PRRX2: variants seen among roughly 807,000 people sequenced by gnomAD.
The protein encoded by PRRX2 is paired related homeobox 2.
In PRRX2, 11 loss-of-function variants were observed where a neutral mutation model predicts 18.0. That is an observed-to-expected ratio of 0.61 (90% CI 0.39 to 1.01). The LOEUF is 1.01. PRRX2 is among the 50% of genes least tolerant of loss of function. The pLI is 0.01. For synonymous variants in PRRX2, 177 were observed against 154.8 expected, an observed-to-expected ratio of 1.14 and a Z score of -1.06; for missense variants, 387 against 351.0, an observed-to-expected ratio of 1.10 and a Z score of -0.82.
chr9:129,673,652 C>CCACACACACACACACACACACAGG (rs1832126578), intron 1 of PRRX2, among the ~76,000 whole-genome samples: 3 of 149,222 alleles, frequency 2.0e-5, no homozygotes, highest in Admixed American at 1.3e-4. Flanking sequence ...ACCCCCCATG[C>CCACACACACACACACACACACAGG]CACACACACA....
chr9:129,679,901 G>C (rs1315263370), intron 1 of PRRX2, among the ~76,000 whole-genome samples: 1 of 152,138 alleles, frequency 6.6e-6, no homozygotes, highest in African/African-American at 2.4e-5. Context: ...GGAGTGGCCC[G>C]GCTCTGCTGT....
At chr9:129,711,743 G>T (rs1321781945) in intron 1 of PRRX2, among the ~76,000 whole-genome samples, 1 of 152,062 alleles carries the variant, frequency 6.6e-6, no homozygotes, top group Non-Finnish European at 1.5e-5. Context: ...AGCGGTTAAA[G>T]GTTCACCCAC....
rs566506094 is a variant in PRRX2, at chr9:129,672,392, T to C, written c.259+6266T>C. ...TGCCAGCCGTGTGAAGCCCATTTTA[T>C]GAAGAGGGAAACTGAGGTGTGAGGT... On this transcript the variant is annotated intron_variant, in intron 1 of 3. Coordinates refer to ENST00000372469, the MANE Select transcript of PRRX2 (RefSeq NM_016307.4). Among the ~76,000 whole-genome samples, 49 of 152,300 alleles carry C rather than the reference T, an allele frequency of 3.2e-4. 1 individual carries two copies. The highest frequency in any genetic ancestry group is 3.2e-3 in the Admixed American group (49 of 15,306).
chr9:129,684,446 ACACACACACACACC>A (rs1462880233), intron 1 of PRRX2, among the ~76,000 whole-genome samples: 1 of 148,120 alleles, frequency 6.8e-6, no homozygotes, highest in African/African-American at 2.5e-5. Flanking sequence ...ACACACACAC[ACACACACACACACC>A]CAACAGAAAA....
rs1241999030 is a variant in PRRX2, at chr9:129,715,569, C to T, written c.260-3662C>T. On this transcript the variant is annotated intron_variant, in intron 1 of 3. Transcript: ENST00000372469. This position sits in a 1 kb window ranked among gnomAD's most constrained non-coding sequence, Gnocchi z 4.0. ...TTGCGCCACTGCACTCCAGCTTGGG[C>T]AACAGAGTGAGACCCTGTCTCAAAA... Among the ~76,000 whole-genome samples the T allele has an allele frequency of 6.6e-6, 1 of 152,060 alleles. No individual in the cohort carries two copies. The highest frequency in any genetic ancestry group is 2.4e-5 in the African/African-American group (1 of 41,380).
chr9:129,697,256 G>A (rs1056367544), intron 1 of PRRX2, among the ~76,000 whole-genome samples: 1 of 152,154 alleles, frequency 6.6e-6, no homozygotes, highest in Admixed American at 6.5e-5. Context: ...TGGAGAGGGA[G>A]GTGTCTGAGC....
At chr9:129,710,908 T>C (rs796883678) in intron 1 of PRRX2, among the ~76,000 whole-genome samples, 34 of 152,206 alleles carry the variant, frequency 2.2e-4, no homozygotes, top group African/African-American at 7.9e-4. Context: ...TTCTTTTCTG[T>C]CTTCACATGT....
At position 129,697,105 on chromosome 9, in the gene PRRX2, A is replaced by G. The variant is rs1282841572; in HGVS notation, c.260-22126A>G. 2.0e-5 allele frequency among the ~76,000 whole-genome samples: 3 copies of G among 152,086 alleles called. No homozygotes were observed. The East Asian group carries it at 5.8e-4, about 29-fold the overall frequency. Reference sequence around the variant, plus strand: ...AGGCGCCCGGCCCGGCCTGGCCCTTAGCCTTGGCCTTGGCCGGAGCTGGAC... The same window carrying G: ...AGGCGCCCGGCCCGGCCTGGCCCTTGGCCTTGGCCTTGGCCGGAGCTGGAC... On this transcript the variant is annotated intron_variant, in intron 1 of 3. Transcript: ENST00000372469.
chr9:129,684,573 G>T (rs1322718550), intron 1 of PRRX2, among the ~76,000 whole-genome samples: 2 of 149,702 alleles, frequency 1.3e-5, no homozygotes, highest in East Asian at 2.0e-4. Context: ...AAAAAGTCTC[G>T]CTGTGCCATG....
chr9:129,694,163 C>G (rs1375176653), intron 1 of PRRX2, among the ~76,000 whole-genome samples: 1 of 152,116 alleles, frequency 6.6e-6, no homozygotes, highest in East Asian at 1.9e-4. Context: ...AAACACCCCA[C>G]GTCTCCCCTT....
intron 1 of PRRX2, among the ~76,000 whole-genome samples, chr9:129,678,807 T>G (rs1212332661): frequency 1.3e-5 from 2 of 152,104 alleles, no homozygotes; most frequent in Admixed American, 1.3e-4. Context: ...GCGCTCTCAG[T>G]GAGCATCTCT....
At chr9:129,710,606 A>G (rs1308890921) in intron 1 of PRRX2, among the ~76,000 whole-genome samples, 1 of 152,162 alleles carries the variant, frequency 6.6e-6, no homozygotes, top group Non-Finnish European at 1.5e-5. Context: ...GGTGGCAGGC[A>G]CTTGTAGTCC....
At chr9:129,701,767 T>G (rs764157790) in intron 1 of PRRX2, among the ~76,000 whole-genome samples, 4 of 152,220 alleles carry the variant, frequency 2.6e-5, no homozygotes, top group African/African-American at 4.8e-5. Flanking sequence ...TAAACAGATA[T>G]GCTGTTGTCG....
At position 129,665,918 on chromosome 9, in the gene PRRX2, G is replaced by T; in HGVS notation, c.51G>T (p.Pro17=). The T allele has an allele frequency of 9.0e-7, 1 of 1,114,390 alleles. No individual in the cohort carries two copies. The highest frequency in any genetic ancestry group is 1.1e-6 in the Non-Finnish European group (1 of 914,010). 69.0% of individuals were successfully genotyped at this position (1,114,390 alleles called of 1,614,324 possible). The stretch of plus-strand genomic sequence containing the variant: ...CCCTGGACAAGCCGGCGCTGGGCCC[G>T]GGGCCGCCGCCGCCTCCACCCGCGC... ...AFALDKPALG[P]GPPPPPPALG... is the part of the protein sequence containing the mutation. The change falls in exon 1 of 4, where the codon CCG becomes CCT. Residue 17 remains proline, a synonymous_variant. Transcript: ENST00000372469. The surrounding 1 kb of genome is among the most constrained non-coding windows in gnomAD (Gnocchi z 5.3).
At chr9:129,679,496 T>A (rs1171970447) in intron 1 of PRRX2, among the ~76,000 whole-genome samples, 1 of 152,172 alleles carries the variant, frequency 6.6e-6, no homozygotes, top group Non-Finnish European at 1.5e-5. Flanking sequence ...GGCGGTTTTA[T>A]GACCCCATTT....
chr9:129,679,129 G>A (rs973296854), intron 1 of PRRX2, among the ~76,000 whole-genome samples: 5 of 152,216 alleles, frequency 3.3e-5, no homozygotes, highest in Non-Finnish European at 5.9e-5. Context: ...CAGGCACTGG[G>A]GAGCCATGGC....
At chr9:129,673,911 C>A (rs1408501250) in intron 1 of PRRX2, among the ~76,000 whole-genome samples, 1 of 152,130 alleles carries the variant, frequency 6.6e-6, no homozygotes, top group African/African-American at 2.4e-5. Context: ...CCACACTGAG[C>A]AGACGAAGAG....
intron 1 of PRRX2, among the ~76,000 whole-genome samples, chr9:129,716,450 CTTTCT>C (rs993903163): frequency 1.4e-5 from 2 of 144,342 alleles, no homozygotes; most frequent in African/African-American, 2.6e-5. Flanking sequence ...ACTATGCTTT[CTTTCT>C]TTTTTTTTTT....
chr9:129,682,817 C>T (rs1832250348), intron 1 of PRRX2, among the ~76,000 whole-genome samples: 1 of 152,166 alleles, frequency 6.6e-6, no homozygotes, highest in African/African-American at 2.4e-5. Flanking sequence ...CAATCTTCCC[C>T]TCCTTGGCCG....
Sources: allele counts gnomAD v4.1 joint callset (sites outside exome capture counted in the v4.1 genomes callset), GRCh38; gene constraint gnomAD v4.1.1; non-coding constraint Gnocchi (gnomAD v3.1); transcripts MANE v1.5; gene names NCBI Gene and HGNC (gene_info 2026-07-23, HGNC 2026-07-21).